Variants in TTC28 observed in about 807,000 individuals in gnomAD.
TTC28 encodes the protein tetratricopeptide repeat protein 28.
A neutral mutation model predicts 198.0 loss-of-function variants in TTC28; 61 were observed. The ratio of observed to expected loss-of-function variants is 0.31; its 90% CI spans 0.25 to 0.38. The LOEUF is 0.38. TTC28 is among the 10% of genes least tolerant of loss of function. The pLI, the probability that TTC28 is intolerant of heterozygous loss-of-function variation, is 1.00. For synonymous variants in TTC28, 1,171 were observed against 1,297.8 expected, an observed-to-expected ratio of 0.90 and a Z score of 2.10; for missense variants, 2,678 against 3,164.0, an observed-to-expected ratio of 0.85 and a Z score of 3.69.
At chr22:28,677,118 TG>T (rs1421250006) in intron 1 of TTC28, among the ~76,000 whole-genome samples, 37 of 133,080 alleles carry the variant, frequency 2.8e-4, no homozygotes, top group Non-Finnish European at 4.4e-4. Flanking sequence ...ATCATGCCAT[TG>T]CACTCCAGCC....
At chr22:27,990,936 C>T (rs1601487924) in intron 19 of TTC28, 124 bp from the exon 20 acceptor site, 1 of 968,930 alleles carries the variant, frequency 1.0e-6, no homozygotes, top group African/African-American at 1.6e-5. Context: ...AGGCCCGCGG[C>T]TCTGACTGGG....
chr22:28,648,189 A>C (rs1331164236), intron 1 of TTC28, among the ~76,000 whole-genome samples: 1 of 146,848 alleles, frequency 6.8e-6, no homozygotes, highest in Non-Finnish European at 1.5e-5. Context: ...GTGCTACTGC[A>C]CTCCAGCCTG....
At chr22:28,238,261 T>C (rs1370054729) in intron 5 of TTC28, among the ~76,000 whole-genome samples, 3 of 152,192 alleles carry the variant, frequency 2.0e-5, no homozygotes, top group Non-Finnish European at 4.4e-5. Context: ...GTTTTATTAA[T>C]TTTCCTTGGT....
chr22:28,573,183 G>A (rs1010837351), intron 2 of TTC28, among the ~76,000 whole-genome samples: 2 of 150,924 alleles, frequency 1.3e-5, no homozygotes, highest in Admixed American at 1.3e-4. Flanking sequence ...CAGGCCAGGC[G>A]TGGGGGCTCA....
At chr22:28,067,167 A>G (rs1025818539) in intron 12 of TTC28, among the ~76,000 whole-genome samples, 1 of 152,210 alleles carries the variant, frequency 6.6e-6, no homozygotes, top group Non-Finnish European at 1.5e-5. Flanking sequence ...GTATTGTTAC[A>G]AAAGTTCCAT....
intron 6 of TTC28, among the ~76,000 whole-genome samples, chr22:28,108,631 ATGTT>A (rs1273095929): frequency 1.3e-5 from 2 of 152,244 alleles, no homozygotes; most frequent in Non-Finnish European, 2.9e-5. Flanking sequence ...AAAAATAAGA[ATGTT>A]TGTACTACAA....
At chr22:28,539,141 T>A (rs1390728644) in intron 2 of TTC28, among the ~76,000 whole-genome samples, 2 of 152,144 alleles carry the variant, frequency 1.3e-5, no homozygotes, top group African/African-American at 4.8e-5. Flanking sequence ...GTGAACATAC[T>A]AAATTTGATG....
At chr22:28,621,714 G>A (rs1285205371) in intron 2 of TTC28, among the ~76,000 whole-genome samples, 1 of 138,448 alleles carries the variant, frequency 7.2e-6, no homozygotes, top group Admixed American at 7.7e-5. Context: ...CTGCACTCCA[G>A]CCTGGGTGAC....
At chr22:28,117,174 A>G (rs1054125477) in intron 6 of TTC28, among the ~76,000 whole-genome samples, 4 of 152,226 alleles carry the variant, frequency 2.6e-5, no homozygotes, top group Non-Finnish European at 2.9e-5. Flanking sequence ...CCTCTGTCTC[A>G]TCAACTTGCA....
At chr22:28,344,655 A>G (rs890604731) in intron 2 of TTC28, among the ~76,000 whole-genome samples, 3 of 152,188 alleles carry the variant, frequency 2.0e-5, no homozygotes, top group Non-Finnish European at 2.9e-5. Context: ...TCTTCATGCA[A>G]TAAGATAGAG....
chr22:27,996,357 C>T (rs1210253440), intron 16 of TTC28, 98 bp from the exon 17 acceptor site: 3 of 1,476,984 alleles, frequency 2.0e-6, no homozygotes, highest in Non-Finnish European at 2.7e-6. Context: ...GTTAACCCAG[C>T]AGAAAGAGCA....
chr22:28,098,216 C>G (rs1942030857), intron 10 of TTC28, among the ~76,000 whole-genome samples: 1 of 152,150 alleles, frequency 6.6e-6, no homozygotes, highest in Admixed American at 6.5e-5. Flanking sequence ...ACCCAGGTGG[C>G]AGAAACATTT....
At chr22:28,038,661 T>C (rs1325062363) in intron 12 of TTC28, among the ~76,000 whole-genome samples, 2 of 152,082 alleles carry the variant, frequency 1.3e-5, no homozygotes, top group African/African-American at 4.8e-5. Flanking sequence ...AAGCCAAAAT[T>C]GACAAATGGG....
chr22:28,566,984 A>C (rs138227389), intron 2 of TTC28, among the ~76,000 whole-genome samples: 3 of 152,064 alleles, frequency 2.0e-5, no homozygotes, highest in African/African-American at 7.2e-5. Flanking sequence ...TGGGAGGCCA[A>C]GGCTGGCGGA....
intron 12 of TTC28, among the ~76,000 whole-genome samples, chr22:28,043,550 C>T (rs1042139207): frequency 6.6e-6 from 1 of 151,994 alleles, no homozygotes; most frequent in Non-Finnish European, 1.5e-5. Flanking sequence ...AGGTCTGCAG[C>T]GGGAGGTGCC....
chr22:28,231,420 C>A (rs1245547020), intron 5 of TTC28, among the ~76,000 whole-genome samples: 1 of 152,110 alleles, frequency 6.6e-6, no homozygotes, highest in Admixed American at 6.5e-5. Flanking sequence ...GGGATTGAGC[C>A]TGGAGTCCTA....
intron 2 of TTC28, among the ~76,000 whole-genome samples, chr22:28,589,363 G>A (rs2050382098): frequency 6.6e-6 from 1 of 152,170 alleles, no homozygotes; most frequent in Non-Finnish European, 1.5e-5. Flanking sequence ...CTGTTTATCT[G>A]ACTGTTCAAG....
At chr22:28,039,260 G>A (rs1939506950) in intron 12 of TTC28, among the ~76,000 whole-genome samples, 1 of 152,046 alleles carries the variant, frequency 6.6e-6, no homozygotes. Context: ...GCAAACACTT[G>A]GAACCAACCC....
intron 2 of TTC28, among the ~76,000 whole-genome samples, chr22:28,436,220 C>T (rs2103841): frequency 6.6e-6 from 1 of 152,196 alleles, no homozygotes; most frequent in Admixed American, 6.5e-5. Context: ...CTTAGCATTT[C>T]TAATAACTGG....
Sources: allele counts gnomAD v4.1 joint callset (sites outside exome capture counted in the v4.1 genomes callset), GRCh38; gene constraint gnomAD v4.1.1; transcripts MANE v1.5; gene names NCBI Gene and HGNC (gene_info 2026-07-23, HGNC 2026-07-21).